The following SLC2A7 variants were observed in gnomAD, a reference collection of about 807,000 sequenced individuals.
SLC2A7 encodes the protein solute carrier family 2 member 7.
A neutral mutation model predicts 50.5 loss-of-function variants in SLC2A7; 50 were observed. That is an observed-to-expected ratio of 0.99 (90% confidence interval 0.79 to 1.25). The LOEUF (loss-of-function observed/expected upper bound fraction) is 1.25, where lower values mean the gene tolerates loss of function less well. Among genes scored for constraint, SLC2A7 ranks in the 50% most tolerant of loss-of-function variants. The probability of loss-of-function intolerance (pLI) is 0.00; values close to 1 mark genes in which losing one functional copy is unlikely to be tolerated. For synonymous variants in SLC2A7, 308 were observed against 300.4 expected (o/e 1.03, Z -0.26); for missense variants, 683 against 679.1 (o/e 1.01, Z -0.06).
chr1:9,023,008 A>G lies in SLC2A7; in HGVS notation c.221T>C (p.Leu74Pro), dbSNP rs985658517. The part of the protein sequence containing the change: ...HATFMDGKLM[L>P]LLWSCTVSMF... ...GGAGACGGTGCAAGACCATAGAAGC[A>G]GCATGAGCTTCCCGTCCATGAATGT... Residue 74 changes from leucine to proline, a missense_variant, in exon 3 of 12, where the codon CTG (leucine) becomes CCG (proline). Physicochemically the swap from Leu to Pro is moderately conservative, Grantham distance 98 (BLOSUM62 -3). Transcript: ENST00000400906. 4.3e-6 allele frequency: 7 copies of G among 1,614,226 alleles called. No homozygotes were observed. The Admixed American group carries it at 1.2e-4, about 27-fold the overall frequency.
chr1:9,010,273 C>T (rs752845), intron 8 of SLC2A7, 29 bp from the exon 9 acceptor site: 19,745 of 1,541,438 alleles, frequency 0.013, 443 homozygotes, highest in African/African-American at 0.084. Context: ...AGTGAGAAGC[C>T]GCCTTGGCCT....
At chr1:9,006,099 G>A (rs751188084) in intron 10 of SLC2A7, among the ~76,000 whole-genome samples, 4 of 152,188 alleles carry the variant, frequency 2.6e-5, no homozygotes, top group Admixed American at 1.3e-4. Context: ...CCCGTTCTTG[G>A]AGAAGCACCA....
chr1:9,023,278 G>T (rs1459535911), intron 2 of SLC2A7, among the ~76,000 whole-genome samples, 200 bp from the exon 3 acceptor site: 1 of 152,156 alleles, frequency 6.6e-6, no homozygotes, highest in Non-Finnish European at 1.5e-5. Context: ...GAGAAACTAG[G>T]CTGAACAAAA....
At chr1:9,012,848 T>G (rs1355165078) in intron 8 of SLC2A7, among the ~76,000 whole-genome samples, 1 of 152,170 alleles carries the variant, frequency 6.6e-6, no homozygotes, top group African/African-American at 2.4e-5. Context: ...CCATAATGAT[T>G]TTTACAAAGG....
chr1:9,009,862 T>C (rs975272076), intron 9 of SLC2A7, among the ~76,000 whole-genome samples: 13 of 152,248 alleles, frequency 8.5e-5, no homozygotes, highest in Non-Finnish European at 1.2e-4. Flanking sequence ...CATTTACGCA[T>C]TGAAGCACAT....
intron 9 of SLC2A7, among the ~76,000 whole-genome samples, chr1:9,007,593 C>T (rs1382672973): frequency 6.6e-6 from 1 of 152,208 alleles, no homozygotes; most frequent in African/African-American, 2.4e-5. Context: ...TCCAGCCTCA[C>T]CTGATGAGCG....
At chr1:9,025,410 G>A (rs1320712817) in intron 1 of SLC2A7, among the ~76,000 whole-genome samples, 1 of 152,190 alleles carries the variant, frequency 6.6e-6, no homozygotes, top group Non-Finnish European at 1.5e-5. Context: ...AGTGAGGGGA[G>A]CCCACCCCGT....
At chr1:9,007,057 G>A (rs1177667181) in intron 10 of SLC2A7, among the ~76,000 whole-genome samples, 2 of 152,182 alleles carry the variant, frequency 1.3e-5, no homozygotes, top group Non-Finnish European at 2.9e-5. Flanking sequence ...CTTGTTGGGT[G>A]CCAGACCTGA....
intron 3 of SLC2A7, 99 bp from the exon 4 acceptor site, chr1:9,019,432 G>A (rs1054151209): frequency 2.4e-5 from 36 of 1,499,738 alleles, no homozygotes; most frequent in South Asian, 1.3e-4. Context: ...ACAGAGGCGC[G>A]GGGAATGTGC....
chr1:9,007,185 A>G, intron 10 of SLC2A7, 125 bp downstream of exon 10: 3 of 1,077,250 alleles, frequency 2.8e-6, no homozygotes, highest in Non-Finnish European at 4.2e-6. Flanking sequence ...AACGTGTGGG[A>G]TCTGCGTGAG....
chr1:9,021,996 T>A (rs1000655445), intron 3 of SLC2A7, among the ~76,000 whole-genome samples: 2 of 151,926 alleles, frequency 1.3e-5, no homozygotes, highest in Non-Finnish European at 2.9e-5. Flanking sequence ...TACATTAGAG[T>A]GAATTGTTTC....
intron 3 of SLC2A7, among the ~76,000 whole-genome samples, chr1:9,019,902 C>A (rs1401909772): frequency 6.6e-6 from 1 of 151,926 alleles, no homozygotes; most frequent in Non-Finnish European, 1.5e-5. Flanking sequence ...CCATCCAGAG[C>A]CACAGAGCAA....
Position 9,023,065 on chromosome 1 carries a change from A to G in SLC2A7, c.164T>C (p.Phe55Ser). The G allele has an allele frequency of 6.2e-7, 1 of 1,613,690 alleles. No homozygotes were observed. The highest frequency in any genetic ancestry group is 8.5e-7 in the Non-Finnish European group (1 of 1,179,700). ...VNTPHKVFKS[F>S]YNETYFERHA... ...TCGCTCAAAGTAGGTTTCGTTGTAA[A>G]ATGACTTGAAGACCTGGAAAACATT... The change falls in exon 3 of 12, where the codon TTT (phenylalanine) becomes TCT (serine). Residue 55 changes from phenylalanine to serine, a missense_variant. Coordinates refer to ENST00000400906, the MANE Select transcript of SLC2A7 (RefSeq NM_207420.3).
the SLC2A7 span, among the ~76,000 whole-genome samples, chr1:8,993,331 G>A: frequency 2.0e-5 from 3 of 152,304 alleles, no homozygotes; most frequent in Middle Eastern, 3.4e-3. Context: ...ATGTGGGTGG[G>A]GACACAGCCT....
rs755134951 is a variant in SLC2A7 at position 9,007,313 on chromosome 1, G to A, written c.1189C>T (p.Pro397Ser). 4 of 1,614,194 alleles carry A rather than the reference G, an allele frequency of 2.5e-6. No homozygotes were observed. The highest frequency in any genetic ancestry group is 3.4e-6 in the Non-Finnish European group (4 of 1,180,006). Residue 397 changes from proline to serine, a missense_variant, in exon 10 of 12, where the codon CCC becomes TCC. By Grantham distance (74) the Pro-to-Ser change is moderately conservative. Coordinates refer to ENST00000400906, the MANE Select transcript of SLC2A7 (RefSeq NM_207420.3). Reference protein sequence around the residue: ...FAYIAGHSIGPSPVPSVVRTE... With the variant: ...FAYIAGHSIGSSPVPSVVRTE... The stretch of plus-strand genomic sequence containing the variant: ...AGGGAGGCGTGCAGGTACTCACTGG[G>A]CCCAATGGAATGTCCCGCGATGTAG...
chr1:9,005,630 AC>A (rs1218063319), intron 10 of SLC2A7, among the ~76,000 whole-genome samples: 2 of 151,674 alleles, frequency 1.3e-5, no homozygotes, highest in African/African-American at 2.4e-5. Flanking sequence ...ACATGATGAA[AC>A]CCCATCTCTA....
intron 2 of SLC2A7, 80 bp from the exon 3 acceptor site, chr1:9,023,158 G>A (rs1384037855): frequency 1.4e-6 from 2 of 1,477,842 alleles, no homozygotes; most frequent in African/African-American, 2.8e-5. Context: ...GTGGCCACTT[G>A]TCATTGTACA....
rs1455213690 is a variant in SLC2A7 at position 9,014,821 on chromosome 1, C to T, written c.763G>A (p.Asp255Asn). 3.7e-6 allele frequency: 6 copies of T among 1,605,686 alleles called. No homozygotes were observed. Among genetic ancestry groups the T allele is most frequent in the African/African-American group, 1.3e-5 (1 of 74,938 alleles). Reference protein sequence around the residue: ...GHTDMEAELEDMRAEARAERA... With the variant: ...GHTDMEAELENMRAEARAERA... ...TCGGCCCGGGCCTCCGCACGCATGT[C>T]CTCCAGCTCGGCCTCCATGTCCGTG... Residue 255 changes from aspartate to asparagine, a missense_variant, in exon 7 of 12, where the codon GAC (aspartate) becomes AAC (asparagine). Transcript: ENST00000400906.
At chr1:8,995,036 G>T in the SLC2A7 span, among the ~76,000 whole-genome samples, 9 of 151,508 alleles carry the variant, frequency 5.9e-5, no homozygotes, top group Non-Finnish European at 1.0e-4. Context: ...CTCCCAAAGT[G>T]CTGGGATTAC....
Sources: gnomAD v4.1 joint callset for allele counts (sites outside exome capture counted in the v4.1 genomes callset) on GRCh38, gnomAD v4.1.1 for gene constraint, MANE v1.5 for transcripts, NCBI Gene and HGNC (gene_info 2026-07-23, HGNC 2026-07-21) for gene names.